Variants in GPX5 observed in about 807,000 individuals in gnomAD.
GPX5 encodes the protein glutathione peroxidase 5.
In GPX5, 20 loss-of-function variants were observed where a neutral mutation model predicts 23.8. That is an observed-to-expected ratio of 0.84 (90% CI 0.59 to 1.22). The LOEUF (loss-of-function observed/expected upper bound fraction) is 1.22. GPX5 is among the 50% of genes most tolerant of loss of function. GPX5 has a pLI of 0.00. For synonymous variants in GPX5, 92 were observed against 99.5 expected (o/e 0.92, Z 0.45); for missense variants, 230 against 266.6 (o/e 0.86, Z 0.96).
At position 28,532,400 on chromosome 6, in the gene GPX5, A is replaced by G; in HGVS notation, c.439A>G (p.Lys147Glu). The G allele has an allele frequency of 6.3e-7, 1 of 1,590,304 alleles. No individual in the cohort carries two copies. The highest frequency in any genetic ancestry group is 8.5e-7 in the Non-Finnish European group (1 of 1,170,884). ...KGDVNGEKEQ[K>E]VFSFLKHSCP... Reference sequence around the variant, plus strand: ...GGATGTGAATGGTGAAAAAGAACAGAAAGTCTTCAGTTTCTTGAAGGTGAG... The same window carrying G: ...GGATGTGAATGGTGAAAAAGAACAGGAAGTCTTCAGTTTCTTGAAGGTGAG... Residue 147 changes from lysine to glutamate, a missense_variant, in exon 4 of 5, where the codon AAA (lysine) becomes GAA (glutamate). Lys to Glu is a moderately conservative substitution (Grantham distance 56). Transcript: ENST00000412168.
chr6:28,531,415 A>G (rs1302930569), intron 2 of GPX5, among the ~76,000 whole-genome samples: 1 of 142,886 alleles, frequency 7.0e-6, no homozygotes, highest in Non-Finnish European at 1.5e-5. Context: ...AAAAGAAAAG[A>G]AAAGAAAAGA....
chr6:28,529,537 G>A lies in GPX5; in HGVS notation c.174G>A (p.Gln58=), dbSNP rs1196254064. 2 of 1,613,280 alleles carry A rather than the reference G, an allele frequency of 1.2e-6. No homozygotes were observed. The highest frequency in any genetic ancestry group is 1.7e-6 in the Non-Finnish European group (2 of 1,179,496). Residue 58 remains glutamine, a synonymous_variant, in exon 2 of 5, where the codon CAG becomes CAA. Coordinates refer to ENST00000412168, the MANE Select transcript of GPX5 (RefSeq NM_001509.3). ...LNKNEYVSFK[Q]YVGKHILFVN... is the part of the protein sequence containing the mutation. ...AGAATGAATATGTTTCCTTCAAGCA[G>A]TATGTGGGCAAGCACATCCTCTTCG...
At chr6:28,529,804 G>A (rs1763278670) in intron 2 of GPX5, among the ~76,000 whole-genome samples, 200 bp downstream of exon 2, 1 of 152,180 alleles carries the variant, frequency 6.6e-6, no homozygotes, top group African/African-American at 2.4e-5. Flanking sequence ...TGTTAACAAA[G>A]TTTTATTGGA....
intron 3 of GPX5, 68 bp from the exon 4 acceptor site, chr6:28,532,253 C>T: frequency 1.1e-6 from 1 of 919,560 alleles, no homozygotes; most frequent in South Asian, 1.7e-5. Flanking sequence ...ACTTCAAATC[C>T]TAGTGTCCCA....
At position 28,533,953 on chromosome 6, in the gene GPX5, T is replaced by C; in HGVS notation, c.460-8T>C. On this transcript the variant is annotated splice_polypyrimidine_tract_variant and splice_region_variant and intron_variant, in intron 4 of 4. Transcript: ENST00000412168. The stretch of plus-strand genomic sequence containing the variant: ...ACATTGTTTCTCTTTTCCATCTCTC[T>C]GGTTTAGCACTCCTGTCCTCATCCC... 6.7e-7 allele frequency: 1 copy of C among 1,491,732 alleles called. No individual in the cohort carries two copies. Among genetic ancestry groups the C allele is most frequent in the Non-Finnish European group, 9.0e-7 (1 of 1,116,776 alleles). The allele number at this position is 1,491,732 out of a possible 1,614,324, so 92.4% of individuals were successfully genotyped here.
Position 28,531,806 on chromosome 6 carries a change from G to A in GPX5, c.270G>A (p.Lys90=), listed in dbSNP as rs1763328557. 1 of 1,613,214 alleles carries A rather than the reference G, an allele frequency of 6.2e-7. No individual in the cohort carries two copies. ...TAAATGCACTCCAGGAGGAGCTGAA[G>A]CCCTATGGTCTAGTTGTGTTGGGCT... ...PELNALQEEL[K]PYGLVVLGFP... is the part of the protein sequence containing the mutation. The change falls in exon 3 of 5, where the codon AAG becomes AAA. Residue 90 remains lysine, a synonymous_variant. Coordinates refer to ENST00000412168, the MANE Select transcript of GPX5 (RefSeq NM_001509.3).
intron 2 of GPX5, among the ~76,000 whole-genome samples, chr6:28,530,595 T>C (rs1418030314): frequency 1.3e-5 from 2 of 152,218 alleles, no homozygotes; most frequent in Non-Finnish European, 2.9e-5. Context: ...ATAAATACTA[T>C]TTGCTGCCTT....
chr6:28,526,627 A>G (rs1423328008), intron 1 of GPX5, among the ~76,000 whole-genome samples: 1 of 152,228 alleles, frequency 6.6e-6, no homozygotes, highest in Admixed American at 6.5e-5. Flanking sequence ...GGAGTCAGGC[A>G]TCTTGGATTC....
In GPX5 at chr6:28,531,789, C is replaced by T; in HGVS notation, c.253C>T (p.Leu85Phe). ...TCCTCTAACTGCAGAACTAAATGCA[C>T]TCCAGGAGGAGCTGAAGCCCTATGG... is the stretch of plus-strand genomic sequence containing the variant. ...LTAQYPELNALQEELKPYGLV... is the reference protein window; with the variant it reads ...LTAQYPELNAFQEELKPYGLV... Residue 85 changes from leucine (L) to phenylalanine (F), a missense_variant, in exon 3 of 5, where the codon CTC (leucine) becomes TTC (phenylalanine). By Grantham distance (22) the Leu-to-Phe change is conservative (BLOSUM62 0). Coordinates refer to ENST00000412168, the MANE Select transcript of GPX5 (RefSeq NM_001509.3). 2 of 1,610,518 alleles carry T rather than the reference C, an allele frequency of 1.2e-6. 1 individual carries two copies. The highest frequency in any genetic ancestry group is 1.7e-6 in the Non-Finnish European group (2 of 1,177,940).
rs1337606874 is a variant in GPX5 at position 28,534,147 on chromosome 6, A to C, written c.646A>C (p.Lys216Gln). The change falls in exon 5 of 5, where the codon AAG (lysine) becomes CAG (glutamine). Residue 216 changes from lysine (K) to glutamine (Q), a missense_variant. Physicochemically the swap from Lys to Gln is moderately conservative, Grantham distance 53. Coordinates refer to ENST00000412168, the MANE Select transcript of GPX5 (RefSeq NM_001509.3). ...SVKTDILAYL[K>Q]QFKTK ...CAAGACAGACATCCTGGCGTACTTG[A>C]AGCAATTCAAAACCAAATAGGAAGG... 4.4e-6 allele frequency: 7 copies of C among 1,596,584 alleles called. No homozygotes were observed. Among genetic ancestry groups the C allele is most frequent in the Non-Finnish European group, 6.0e-6 (7 of 1,172,368 alleles).
chr6:28,531,869 T>C lies in GPX5; in HGVS notation c.333T>C (p.Asp111=), dbSNP rs1174981250. ...AATTTGGAAAGCAAGAACCAGGAGATAACAAAGAGATTCTTCCTGGGCTCA... is the reference window on the plus strand; with the variant it reads ...AATTTGGAAAGCAAGAACCAGGAGACAACAAAGAGATTCTTCCTGGGCTCA... ...CNQFGKQEPG[D]NKEILPGLKY... The change falls in exon 3 of 5, where the codon GAT becomes GAC. Residue 111 remains aspartate (D), a synonymous_variant. Coordinates refer to ENST00000412168, the MANE Select transcript of GPX5 (RefSeq NM_001509.3). The C allele has an allele frequency of 6.2e-7, 1 of 1,613,466 alleles. No individual in the cohort carries two copies. The highest frequency in any genetic ancestry group is 8.5e-7 in the Non-Finnish European group (1 of 1,179,454).
intron 1 of GPX5, chr6:28,527,869 C>T (rs1447267821): frequency 2.0e-5 from 3 of 152,082 alleles, no homozygotes; most frequent in African/African-American, 7.2e-5. Context: ...AGGGTAGAGA[C>T]AGAGGAGGAG....
chr6:28,531,389 A>AGAAAAG (rs1290753590), intron 2 of GPX5, among the ~76,000 whole-genome samples: 4 of 69,570 alleles, frequency 5.7e-5, no homozygotes, highest in African/African-American at 2.7e-4. Flanking sequence ...AAAAAAAAAA[A>AGAAAAG]AAAAGAAAAG....
At chr6:28,533,696 A>G (rs1197843909) in intron 4 of GPX5, among the ~76,000 whole-genome samples, 2 of 152,224 alleles carry the variant, frequency 1.3e-5, no homozygotes, top group African/African-American at 4.8e-5. Context: ...AAAAGCATAA[A>G]AGGTAACATG....
At position 28,531,665 on chromosome 6, in the gene GPX5, T is replaced by C; in HGVS notation, c.242-113T>C. 5.7e-6 allele frequency: 4 copies of C among 707,820 alleles called. No homozygotes were observed. In the South Asian group the frequency reaches 7.1e-5, roughly 13 times the overall value. 43.8% of individuals were successfully genotyped at this position (707,820 alleles called of 1,614,324 possible). A position where few individuals can be genotyped will look rare whatever the true frequency, so the allele number is the denominator to read the frequency against. On this transcript the variant is annotated intron_variant, in intron 2 of 4. Transcript: ENST00000412168. The stretch of plus-strand genomic sequence containing the variant: ...AACAGCCCTTCTGATGCAGAGCTGT[T>C]TCCCTCCCTGGGCCTCTGTTTCCTT...
At chr6:28,526,669 G>A (rs183198535) in intron 1 of GPX5, among the ~76,000 whole-genome samples, 9 of 152,234 alleles carry the variant, frequency 5.9e-5, no homozygotes, top group Non-Finnish European at 5.9e-5. Context: ...TTCATGGCTC[G>A]TTACCTTATT....
chr6:28,531,230 G>A (rs1180446920), intron 2 of GPX5, among the ~76,000 whole-genome samples: 1 of 151,690 alleles, frequency 6.6e-6, no homozygotes, highest in Non-Finnish European at 1.5e-5. Flanking sequence ...TATTAGCTGG[G>A]CATGGTAGCA....
Position 28,534,782 on chromosome 6 carries a change from C to G in GPX5, c.*615C>G, listed in dbSNP as rs1763397448. The G allele has an allele frequency of 6.6e-6, 1 of 152,162 alleles. No homozygotes were observed. Among genetic ancestry groups the G allele is most frequent in the South Asian group, 2.1e-4 (1 of 4,834 alleles). The allele number at this position is 152,162 out of a possible 1,614,324, so 9.4% of individuals were successfully genotyped here. Reference sequence around the variant, plus strand: ...GTGGGACCCAAAACCTATCTCTGGCCCTACAAAAGTTTTCCTAATTGTCTG... The same window carrying G: ...GTGGGACCCAAAACCTATCTCTGGCGCTACAAAAGTTTTCCTAATTGTCTG... On this transcript the variant is annotated 3_prime_UTR_variant, in exon 5 of 5. Coordinates refer to ENST00000412168, the MANE Select transcript of GPX5 (RefSeq NM_001509.3).
At chr6:28,532,247 C>A in intron 3 of GPX5, 74 bp from the exon 4 acceptor site, 1 of 896,342 alleles carries the variant, frequency 1.1e-6, no homozygotes, top group Non-Finnish European at 1.7e-6. Context: ...CTCATGACTT[C>A]AAATCCTAGT....
Sources: gnomAD v4.1 joint callset for allele counts (sites outside exome capture counted in the v4.1 genomes callset) on GRCh38, gnomAD v4.1.1 for gene constraint, MANE v1.5 for transcripts, NCBI Gene and HGNC (gene_info 2026-07-23, HGNC 2026-07-21) for gene names.